The following CNTNAP2 variants were observed in gnomAD, a reference collection of about 807,000 sequenced individuals.
CNTNAP2 encodes contactin-associated protein-like 2.
A neutral mutation model predicts 155.2 loss-of-function variants in CNTNAP2; 98 were observed. That is an observed-to-expected ratio of 0.63 (90% CI 0.54 to 0.75). CNTNAP2 has a LOEUF of 0.75. Among genes scored for constraint, CNTNAP2 ranks in the 30% least tolerant of loss-of-function variants. The probability of loss-of-function intolerance (pLI) is 0.00; values close to 1 mark genes in which losing one functional copy is unlikely to be tolerated. For missense variants in CNTNAP2, 1,727 were observed against 1,688.1 expected, an observed-to-expected ratio of 1.02 and a Z score of -0.40; for synonymous variants, 651 against 631.2, an observed-to-expected ratio of 1.03 and a Z score of -0.47.
chr7:146,952,666 C>T (rs1186234740), intron 3 of CNTNAP2, among the ~76,000 whole-genome samples: 3 of 152,046 alleles, frequency 2.0e-5, no homozygotes, highest in African/African-American at 7.2e-5. Context: ...CATGAGTGAA[C>T]TCCCATTCAC....
At chr7:146,248,549 T>A (rs941145735) in intron 1 of CNTNAP2, among the ~76,000 whole-genome samples, 4 of 151,402 alleles carry the variant, frequency 2.6e-5, no homozygotes, top group African/African-American at 9.7e-5. Flanking sequence ...TACCAGAAAA[T>A]GAAAGGAATT....
intron 13 of CNTNAP2, among the ~76,000 whole-genome samples, chr7:147,717,944 T>TC (rs1414527113): frequency 6.6e-6 from 1 of 152,020 alleles, no homozygotes; most frequent in East Asian, 1.9e-4. Flanking sequence ...TGTTTTTTTT[T>TC]TCTGAATTCA....
rs1371995122 is a variant in CNTNAP2 at position 146,721,593 on chromosome 7, TATTCTATATAC to T, written c.98-52667_98-52657del. ...ATATTCTATATACATTCTATATATA[TATTCTATATAC>T]ATTCTATATATATATTCTATATACA... On this transcript the variant is annotated intron_variant, in intron 1 of 23. Coordinates refer to ENST00000361727, the MANE Select transcript of CNTNAP2 (RefSeq NM_014141.6). Among the ~76,000 whole-genome samples the T allele has an allele frequency of 8.1e-5, 10 of 122,962 alleles. 1 individual carries two copies. The highest frequency in any genetic ancestry group is 1.4e-4 in the Non-Finnish European group (9 of 64,174). 80.7% of individuals were successfully genotyped at this position (122,962 alleles called of 152,430 possible). A position where few individuals can be genotyped will look rare whatever the true frequency, so the allele number is the denominator to read the frequency against.
At chr7:148,068,149 CT>C (rs1243313180) in intron 15 of CNTNAP2, among the ~76,000 whole-genome samples, 1 of 152,184 alleles carries the variant, frequency 6.6e-6, no homozygotes, top group Non-Finnish European at 1.5e-5. Context: ...CATATCTACA[CT>C]TTCTGTTCAC....
At chr7:146,183,347 A>G (rs547307227) in intron 1 of CNTNAP2, among the ~76,000 whole-genome samples, 1 of 152,226 alleles carries the variant, frequency 6.6e-6, no homozygotes, top group African/African-American at 2.4e-5. Context: ...CATTGGTCCC[A>G]AACTCTTCTC....
At chr7:146,409,670 A>T (rs950772718) in intron 1 of CNTNAP2, among the ~76,000 whole-genome samples, 1 of 152,172 alleles carries the variant, frequency 6.6e-6, no homozygotes, top group Non-Finnish European at 1.5e-5. Context: ...CAAGGGTAAA[A>T]TCATGCTTAT....
At chr7:147,503,320 T>C (rs1442710973) in intron 11 of CNTNAP2, among the ~76,000 whole-genome samples, 1 of 152,216 alleles carries the variant, frequency 6.6e-6, no homozygotes, top group African/African-American at 2.4e-5. Context: ...CTCCTTTCTC[T>C]TGTAAAGACA....
chr7:148,156,481 G>A (rs1011140863), intron 17 of CNTNAP2, among the ~76,000 whole-genome samples: 14 of 151,668 alleles, frequency 9.2e-5, no homozygotes, highest in African/African-American at 3.4e-4. Context: ...TCCTTCCTCC[G>A]CTTGACCACT....
At chr7:147,159,713 A>G (rs1801990360) in intron 8 of CNTNAP2, among the ~76,000 whole-genome samples, 1 of 152,106 alleles carries the variant, frequency 6.6e-6, no homozygotes, top group Admixed American at 6.6e-5. Flanking sequence ...TGACTTACCC[A>G]GGTGTACAAA....
intron 3 of CNTNAP2, among the ~76,000 whole-genome samples, chr7:146,930,925 G>C (rs1398684231): frequency 6.6e-6 from 1 of 152,156 alleles, no homozygotes; most frequent in African/African-American, 2.4e-5. Flanking sequence ...GGAGCACCCA[G>C]ATTCATAAAG....
intron 19 of CNTNAP2, among the ~76,000 whole-genome samples, chr7:148,224,130 A>G (rs775576368): frequency 7.9e-5 from 12 of 152,254 alleles, no homozygotes; most frequent in Non-Finnish European, 1.5e-4. Flanking sequence ...TTCTGAAGAA[A>G]TGAATAAGAG....
intron 1 of CNTNAP2, among the ~76,000 whole-genome samples, chr7:146,626,328 G>A (rs1231245563): frequency 6.6e-6 from 1 of 152,070 alleles, no homozygotes; most frequent in East Asian, 1.9e-4. Flanking sequence ...CTATTGGTTT[G>A]CAAATCAGGT....
chr7:148,322,156 CAG>C (rs1342289493), intron 21 of CNTNAP2, among the ~76,000 whole-genome samples: 1 of 152,140 alleles, frequency 6.6e-6, no homozygotes, highest in Non-Finnish European at 1.5e-5. Flanking sequence ...CTCCTAACCT[CAG>C]GGGATCCGCC....
intron 3 of CNTNAP2, among the ~76,000 whole-genome samples, chr7:146,941,448 T>A (rs1305141112): frequency 6.6e-6 from 1 of 152,192 alleles, no homozygotes; most frequent in East Asian, 1.9e-4. Context: ...GGATAATCCT[T>A]AACAAATTAC....
chr7:147,046,544 T>G lies in CNTNAP2; in HGVS notation c.550+2490T>G, dbSNP rs113320599. On this transcript the variant is annotated intron_variant, in intron 4 of 23. Transcript: ENST00000361727. ...GTTTGAGTTGTTTCTAGATGTTGGCTATTTATACAGAATTACTAAAAATGT... is the reference window on the plus strand; with the variant it reads ...GTTTGAGTTGTTTCTAGATGTTGGCGATTTATACAGAATTACTAAAAATGT... 6.2e-3 allele frequency among the ~76,000 whole-genome samples: 938 copies of G among 152,302 alleles called. 12 individuals are homozygous for G. The highest frequency in any genetic ancestry group is 0.021 in the African/African-American group (876 of 41,554).
chr7:147,222,982 C>T (rs527833281), intron 8 of CNTNAP2, among the ~76,000 whole-genome samples: 2 of 152,218 alleles, frequency 1.3e-5, no homozygotes, highest in African/African-American at 2.4e-5. Flanking sequence ...AAGAACACAG[C>T]GTTCTGGCAT....
intron 1 of CNTNAP2, among the ~76,000 whole-genome samples, chr7:146,735,335 G>A (rs1414321924): frequency 6.6e-6 from 1 of 152,132 alleles, no homozygotes; most frequent in Non-Finnish European, 1.5e-5. Flanking sequence ...GGCAGATGAC[G>A]AGGTCAGGAG....
At chr7:147,347,070 A>G (rs1407276866) in intron 9 of CNTNAP2, among the ~76,000 whole-genome samples, 1 of 152,198 alleles carries the variant, frequency 6.6e-6, no homozygotes, top group Non-Finnish European at 1.5e-5. Flanking sequence ...TGGAAGAGAT[A>G]TAATTACAGA....
rs1013119064 is a variant in CNTNAP2, at chr7:148,126,869, A to G, written c.2554+8581A>G. On this transcript the variant is annotated intron_variant, in intron 16 of 23. Transcript: ENST00000361727. ...TTCGCCTGGCCCCAAGATATGGGCC[A>G]CTCAGAAAAGGGGTTACAATTCTAA... Among the ~76,000 whole-genome samples, 11 of 152,296 alleles carry G rather than the reference A, an allele frequency of 7.2e-5. No homozygotes were observed. In the South Asian group the frequency reaches 1.9e-3, roughly 26 times the overall value.
Sources: gnomAD v4.1 joint callset for allele counts (sites outside exome capture counted in the v4.1 genomes callset) on GRCh38, gnomAD v4.1.1 for gene constraint, MANE v1.5 for transcripts, NCBI Gene and HGNC (gene_info 2026-07-23, HGNC 2026-07-21) for gene names.